Variants in PLD5 observed in about 807,000 individuals in gnomAD.
The protein encoded by PLD5 is phospholipase D family member 5, also known as inactive phospholipase D5.
A neutral mutation model predicts 61.1 loss-of-function variants in PLD5; 36 were observed. The ratio of observed to expected loss-of-function variants is 0.59; its 90% CI spans 0.45 to 0.78. PLD5 has a LOEUF of 0.78. PLD5 is among the 30% of genes least tolerant of loss of function. PLD5 has a pLI of 0.00. For missense variants in PLD5, 515 were observed against 644.4 expected (o/e 0.80, Z 2.17); for synonymous variants, 243 against 242.8 (o/e 1.00, Z -0.01).
At chr1:242,193,122 A>G (rs1417566898) in intron 5 of PLD5, among the ~76,000 whole-genome samples, 2 of 152,064 alleles carry the variant, frequency 1.3e-5, no homozygotes, top group African/African-American at 4.8e-5. Flanking sequence ...CACTGGACTT[A>G]TTTTATTTCC....
intron 8 of PLD5, among the ~76,000 whole-genome samples, chr1:242,101,730 G>A (rs1660708986): frequency 6.6e-6 from 1 of 152,182 alleles, no homozygotes; most frequent in Non-Finnish European, 1.5e-5. Context: ...AAAACTGTAA[G>A]TGTTCACATT....
chr1:242,120,142 G>A (rs564307563), intron 6 of PLD5, among the ~76,000 whole-genome samples: 2 of 152,184 alleles, frequency 1.3e-5, no homozygotes, highest in South Asian at 4.2e-4. Flanking sequence ...TAAAGAAAAA[G>A]TAGACTGCTG....
intron 7 of PLD5, among the ~76,000 whole-genome samples, chr1:242,112,361 T>C (rs1252609322): frequency 7.5e-6 from 1 of 133,032 alleles, no homozygotes; most frequent in Non-Finnish European, 1.7e-5. Context: ...ATAGATGGAG[T>C]CTCACTCTGT....
intron 1 of PLD5, among the ~76,000 whole-genome samples, chr1:242,360,047 C>G (rs1660980726): frequency 6.6e-6 from 1 of 152,116 alleles, no homozygotes; most frequent in South Asian, 2.1e-4. Flanking sequence ...ATTGTTCTAG[C>G]TCAGTCTCAT....
chr1:242,292,655 T>C (rs1342633188), intron 2 of PLD5, among the ~76,000 whole-genome samples: 2 of 152,194 alleles, frequency 1.3e-5, no homozygotes, highest in Non-Finnish European at 2.9e-5. Flanking sequence ...AAAATGTAAA[T>C]TTCCCTTCAG....
chr1:242,452,995 G>A (rs1666836039), intron 1 of PLD5, among the ~76,000 whole-genome samples: 1 of 152,156 alleles, frequency 6.6e-6, no homozygotes. Flanking sequence ...AAGGTGAAAG[G>A]AAAAAGACAA....
chr1:242,312,781 C>T (rs1279525735), intron 2 of PLD5, among the ~76,000 whole-genome samples: 1 of 152,208 alleles, frequency 6.6e-6, no homozygotes, highest in Non-Finnish European at 1.5e-5. Context: ...TGCCATGCTG[C>T]CTTGGGGCAG....
At chr1:242,470,751 T>C (rs1667426369) in intron 1 of PLD5, among the ~76,000 whole-genome samples, 1 of 152,216 alleles carries the variant, frequency 6.6e-6, no homozygotes, top group Non-Finnish European at 1.5e-5. Flanking sequence ...TCTTCTACTT[T>C]TCAAATTAAA....
intron 5 of PLD5, among the ~76,000 whole-genome samples, chr1:242,171,038 A>C (rs374676181): frequency 7.2e-5 from 11 of 152,130 alleles, no homozygotes; most frequent in African/African-American, 2.4e-4. Context: ...AATACAGAGA[A>C]CACCACAAAG....
intron 1 of PLD5, among the ~76,000 whole-genome samples, chr1:242,406,318 T>A (rs1664231991): frequency 6.6e-6 from 1 of 152,222 alleles, no homozygotes. Context: ...CAAACTCCCC[T>A]ATTTCAATCC....
intron 3 of PLD5, among the ~76,000 whole-genome samples, chr1:242,287,564 T>A (rs961514180): frequency 5.3e-4 from 81 of 152,128 alleles, no homozygotes; most frequent in Non-Finnish European, 9.8e-4. Flanking sequence ...ACCAATGAGA[T>A]CATGATTATA....
At chr1:242,490,690 C>T (rs1558143120) in intron 1 of PLD5, among the ~76,000 whole-genome samples, 2 of 152,170 alleles carry the variant, frequency 1.3e-5, no homozygotes, top group East Asian at 3.9e-4. Flanking sequence ...ATCTGCATTA[C>T]AGAATTCCTC....
chr1:242,092,061 C>T (rs1659876367), intron 9 of PLD5, among the ~76,000 whole-genome samples: 2 of 151,970 alleles, frequency 1.3e-5, no homozygotes, highest in African/African-American at 4.8e-5. Flanking sequence ...CTCCTGACCT[C>T]AAGTGATCCA....
intron 3 of PLD5, among the ~76,000 whole-genome samples, chr1:242,281,528 T>C (rs1424575763): frequency 6.6e-6 from 1 of 151,816 alleles, no homozygotes; most frequent in Admixed American, 6.6e-5. Flanking sequence ...GAGGGAGATA[T>C]ACACACACAC....
At chr1:242,094,463 T>C (rs1660073375) in intron 9 of PLD5, among the ~76,000 whole-genome samples, 2 of 152,186 alleles carry the variant, frequency 1.3e-5, no homozygotes, top group Non-Finnish European at 2.9e-5. Context: ...CAAGGTCCAC[T>C]GTGGATTTTT....
intron 1 of PLD5, among the ~76,000 whole-genome samples, chr1:242,384,578 C>T (rs12097629): frequency 0.15 from 22,639 of 152,210 alleles, 1,784 homozygotes; most frequent in African/African-American, 0.19. Context: ...GCCACAATGA[C>T]GCTTCGTCTT....
intron 4 of PLD5, among the ~76,000 whole-genome samples, chr1:242,247,116 T>C (rs2149074940): frequency 6.6e-6 from 1 of 152,110 alleles, no homozygotes; most frequent in East Asian, 1.9e-4. Context: ...CCCGTGTAGC[T>C]GGGACTACAG....
At chr1:242,276,580 T>C (rs1256956456) in intron 3 of PLD5, among the ~76,000 whole-genome samples, 1 of 150,932 alleles carries the variant, frequency 6.6e-6, no homozygotes, top group East Asian at 1.9e-4. Flanking sequence ...AATATGCAAA[T>C]AGTTCTAAGG....
chr1:242,292,102 C>T (rs1229737877), intron 2 of PLD5, among the ~76,000 whole-genome samples: 1 of 152,004 alleles, frequency 6.6e-6, no homozygotes, highest in Non-Finnish European at 1.5e-5. Flanking sequence ...CCTTCGAAGG[C>T]AATAGACAGA....
Sources: allele counts gnomAD v4.1 joint callset (sites outside exome capture counted in the v4.1 genomes callset), GRCh38; gene constraint gnomAD v4.1.1; transcripts MANE v1.5; gene names NCBI Gene and HGNC (gene_info 2026-07-23, HGNC 2026-07-21).